The following H2AX variants were observed in gnomAD, a reference collection of about 807,000 sequenced individuals.
The protein encoded by H2AX is histone H2AX.
H2AX carries 2 observed loss-of-function variants against 8.0 expected under a neutral mutation model. The ratio of observed to expected loss-of-function variants is 0.25; its 90% CI spans 0.10 to 0.79. The LOEUF (loss-of-function observed/expected upper bound fraction) is 0.79. H2AX is among the 30% of genes least tolerant of loss of function. The pLI, the probability that H2AX is intolerant of heterozygous loss-of-function variation, is 0.69. For synonymous variants in H2AX, 110 were observed against 102.5 expected, an observed-to-expected ratio of 1.07 and a Z score of -0.44; for missense variants, 105 against 201.0, an observed-to-expected ratio of 0.52 and a Z score of 2.89.
rs1464580150 is a variant in H2AX at position 119,094,869 on chromosome 11, G to A, written c.*94C>T. 4.6e-6 allele frequency: 6 copies of A among 1,292,894 alleles called. No individual in the cohort carries two copies. The highest frequency in any genetic ancestry group is 5.2e-6 in the Non-Finnish European group (5 of 965,480). The allele number at this position is 1,292,894 out of a possible 1,614,324, so 80.1% of individuals were successfully genotyped here. A position where few individuals can be genotyped will look rare whatever the true frequency, so the allele number is the denominator to read the frequency against. On this transcript the variant is annotated 3_prime_UTR_variant, in exon 1 of 1. Transcript: ENST00000530167. ...GCCCGCTTGCCCCGCAGTCTGAAGC[G>A]GCTCAGCTCTTTCCATGAGGGCGGT...
Position 119,094,876 on chromosome 11 carries a change from C to T in H2AX, c.*87G>A. The T allele has an allele frequency of 7.4e-7, 1 of 1,349,080 alleles. No homozygotes were observed. The highest frequency in any genetic ancestry group is 9.9e-7 in the Non-Finnish European group (1 of 1,011,502). 83.6% of individuals were successfully genotyped at this position (1,349,080 alleles called of 1,614,324 possible). A position where few individuals can be genotyped will look rare whatever the true frequency, so the allele number is the denominator to read the frequency against. On this transcript the variant is annotated 3_prime_UTR_variant, in exon 1 of 1. Transcript: ENST00000530167. The stretch of plus-strand genomic sequence containing the variant: ...TGCCCCGCAGTCTGAAGCGGCTCAG[C>T]TCTTTCCATGAGGGCGGTGGTGGCC...
Position 119,094,572 on chromosome 11 carries a change from G to C in H2AX, c.*391C>G, listed in dbSNP as rs978844523. 1 of 165,042 alleles carries C rather than the reference G, an allele frequency of 6.1e-6. No homozygotes were observed. Among genetic ancestry groups the C allele is most frequent in the Non-Finnish European group, 1.3e-5 (1 of 77,434 alleles). The allele number at this position is 165,042 out of a possible 1,614,324, so 10.2% of individuals were successfully genotyped here. A position where few individuals can be genotyped will look rare whatever the true frequency, so the allele number is the denominator to read the frequency against. ...CCTCCCCGCAGCCCCTTAGCGACTCGGGATGGGGCGGCTGAGTCACGAACG... is the reference window on the plus strand; with the variant it reads ...CCTCCCCGCAGCCCCTTAGCGACTCCGGATGGGGCGGCTGAGTCACGAACG... On this transcript the variant is annotated 3_prime_UTR_variant, in exon 1 of 1. Coordinates refer to ENST00000530167, the MANE Select transcript of H2AX (RefSeq NM_002105.3).
In H2AX at chr11:119,095,385, G is replaced by A; in HGVS notation, c.10C>T (p.Arg4Cys). Residue 4 changes from arginine (R) to cysteine (C), a missense_variant, in exon 1 of 1, where the codon CGC becomes TGC. Arg to Cys is a radical substitution (Grantham distance 180, BLOSUM62 -3). Coordinates refer to ENST00000530167, the MANE Select transcript of H2AX (RefSeq NM_002105.3). MSG[R>C]GKTGGKARAK... ...CGGGCCTTGCCGCCAGTCTTGCCGCGGCCCGACATGCTAGCGAGGTAGACC... is the reference window on the plus strand; with the variant it reads ...CGGGCCTTGCCGCCAGTCTTGCCGCAGCCCGACATGCTAGCGAGGTAGACC... The A allele has an allele frequency of 6.4e-7, 1 of 1,561,300 alleles. No homozygotes were observed. Among genetic ancestry groups the A allele is most frequent in the Non-Finnish European group, 8.6e-7 (1 of 1,159,464 alleles).
Position 119,094,656 on chromosome 11 carries a change from C to T in H2AX, c.*307G>A, listed in dbSNP as rs1650600967. On this transcript the variant is annotated 3_prime_UTR_variant, in exon 1 of 1. Coordinates refer to ENST00000530167, the MANE Select transcript of H2AX (RefSeq NM_002105.3). ...CCCCGGCAGGCTCGGGTCTTCCGCG[C>T]CACGGAGGTCCCCGAAGAGCGCCCA... is the stretch of plus-strand genomic sequence containing the variant. The T allele has an allele frequency of 4.1e-6, 1 of 241,338 alleles. No individual in the cohort carries two copies. The highest frequency in any genetic ancestry group is 5.7e-5 in the Admixed American group (1 of 17,398). 14.9% of individuals were successfully genotyped at this position (241,338 alleles called of 1,614,324 possible).
In H2AX at chr11:119,094,514, G is replaced by C. The variant is rs1946357397; in HGVS notation, c.*449C>G. 6.5e-6 allele frequency: 1 copy of C among 153,544 alleles called. No individual in the cohort carries two copies. The highest frequency in any genetic ancestry group is 2.0e-4 in the South Asian group (1 of 4,900). The allele number at this position is 153,544 out of a possible 1,614,324, so 9.5% of individuals were successfully genotyped here. ...CTGCCCACCTCGGCCCTGCGTCAGA[G>C]CGGAAGGCCAAGTCTTCCAGAAGGT... On this transcript the variant is annotated 3_prime_UTR_variant, in exon 1 of 1. Coordinates refer to ENST00000530167, the MANE Select transcript of H2AX (RefSeq NM_002105.3).
rs1592222998 is a variant in H2AX at position 119,094,458 on chromosome 11, A to C, written c.*505T>G. ...GCTGCAGCTGCCGAGGGCCTCACTC[A>C]CCTTCAGGGCCGCCGGCCTCTCGGC... On this transcript the variant is annotated 3_prime_UTR_variant, in exon 1 of 1. Transcript: ENST00000530167. 3 of 152,286 alleles carry C rather than the reference A, an allele frequency of 2.0e-5. No homozygotes were observed. Among genetic ancestry groups the C allele is most frequent in the Non-Finnish European group, 4.4e-5 (3 of 68,116 alleles). The allele number at this position is 152,286 out of a possible 1,614,324, so 9.4% of individuals were successfully genotyped here. A position where few individuals can be genotyped will look rare whatever the true frequency, so the allele number is the denominator to read the frequency against.
chr11:119,095,197 C>G lies in H2AX; in HGVS notation c.198G>C (p.Leu66=), dbSNP rs768785602. Reference sequence around the variant, plus strand: ...TGTTGTCGCGGGCCGCATTGCCCGCCAGCTCCAGGATCTCAGCGGTGAGGT... The same window carrying G: ...TGTTGTCGCGGGCCGCATTGCCCGCGAGCTCCAGGATCTCAGCGGTGAGGT... The part of the protein sequence containing the change: ...LEYLTAEILE[L]AGNAARDNKK... The change falls in exon 1 of 1, where the codon CTG becomes CTC. Residue 66 remains leucine, a synonymous_variant. Coordinates refer to ENST00000530167, the MANE Select transcript of H2AX (RefSeq NM_002105.3). The G allele has an allele frequency of 2.5e-6, 4 of 1,613,900 alleles. No homozygotes were observed. In the Admixed American group the frequency reaches 6.7e-5, roughly 27 times the overall value.
chr11:119,094,812 G>A lies in H2AX; in HGVS notation c.*151C>T. On this transcript the variant is annotated 3_prime_UTR_variant, in exon 1 of 1. Transcript: ENST00000530167. ...GGACTCGAGGCCGGGCGGCGAAGGC[G>A]GGCGAGGGGAGGGGAGGGGAAGGGA... 1 of 820,688 alleles carries A rather than the reference G, an allele frequency of 1.2e-6. No homozygotes were observed. The highest frequency in any genetic ancestry group is 1.8e-5 in the African/African-American group (1 of 54,908). 50.8% of individuals were successfully genotyped at this position (820,688 alleles called of 1,614,324 possible).
Position 119,094,791 on chromosome 11 carries a change from T to C in H2AX, c.*172A>G. The C allele has an allele frequency of 1.4e-6, 1 of 702,768 alleles. No homozygotes were observed. The highest frequency in any genetic ancestry group is 2.2e-6 in the Non-Finnish European group (1 of 448,346). The allele number at this position is 702,768 out of a possible 1,614,324, so 43.5% of individuals were successfully genotyped here. ...GACGGGAGCGGGGGCGGGCGGGGAC[T>C]CGAGGCCGGGCGGCGAAGGCGGGCG... On this transcript the variant is annotated 3_prime_UTR_variant, in exon 1 of 1. Coordinates refer to ENST00000530167, the MANE Select transcript of H2AX (RefSeq NM_002105.3).
rs143606442 is a variant in H2AX, at chr11:119,095,199, G to A, written c.196C>T (p.Leu66=). 3.2e-3 allele frequency: 5,226 copies of A among 1,614,012 alleles called. 20 individuals are homozygous for A. The highest frequency in any genetic ancestry group is 3.8e-3 in the Non-Finnish European group (4,488 of 1,179,898). Residue 66 remains leucine, a synonymous_variant, in exon 1 of 1, where the codon CTG becomes TTG. Transcript: ENST00000530167. ...TTGTCGCGGGCCGCATTGCCCGCCA[G>A]CTCCAGGATCTCAGCGGTGAGGTAC... ...LEYLTAEILE[L]AGNAARDNKK... is the part of the protein sequence containing the mutation.
In H2AX at chr11:119,095,228, A is replaced by G. The variant is rs2134893373; in HGVS notation, c.167T>C (p.Leu56Pro). The change falls in exon 1 of 1, where the codon CTG becomes CCG. Residue 56 changes from leucine to proline, a missense_variant. Around this residue, in one of 3 missense-constraint regions of H2AX, gnomAD observed 55 missense variants for 144.4 expected, o/e 0.38. Coordinates refer to ENST00000530167, the MANE Select transcript of H2AX (RefSeq NM_002105.3). ...CAGGATCTCAGCGGTGAGGTACTCC[A>G]GCACTGCCGCCAGGTACACTGGCGC... The part of the protein sequence containing the change: ...AGAPVYLAAV[L>P]EYLTAEILEL... The G allele has an allele frequency of 6.2e-7, 1 of 1,613,894 alleles. No homozygotes were observed. The highest frequency in any genetic ancestry group is 1.1e-5 in the South Asian group (1 of 91,078).
Position 119,095,171 on chromosome 11 carries a change from T to C in H2AX, c.224A>G (p.Lys75Arg), listed in dbSNP as rs1946369850. The change falls in exon 1 of 1, where the codon AAG becomes AGG. Residue 75 changes from lysine to arginine, a missense_variant. By Grantham distance (26) the Lys-to-Arg change is conservative (BLOSUM62 2). Transcript: ENST00000530167. ...ELAGNAARDN[K>R]KTRIIPRHLQ... ...GTGGCGGGGGATGATTCGCGTCTTC[T>C]TGTTGTCGCGGGCCGCATTGCCCGC... 1.2e-6 allele frequency: 2 copies of C among 1,613,968 alleles called. No individual in the cohort carries two copies. The highest frequency in any genetic ancestry group is 1.3e-5 in the African/African-American group (1 of 75,044).
In H2AX at chr11:119,094,815, C is replaced by T; in HGVS notation, c.*148G>A. 2.1e-5 allele frequency: 17 copies of T among 826,670 alleles called. No homozygotes were observed. Among genetic ancestry groups the T allele is most frequent in the Middle Eastern group, 3.7e-4 (1 of 2,674 alleles). The allele number at this position is 826,670 out of a possible 1,614,324, so 51.2% of individuals were successfully genotyped here. On this transcript the variant is annotated 3_prime_UTR_variant, in exon 1 of 1. Transcript: ENST00000530167. ...CTCGAGGCCGGGCGGCGAAGGCGGG[C>T]GAGGGGAGGGGAGGGGAAGGGAGCC...
chr11:119,095,094 C>T lies in H2AX; in HGVS notation c.301G>A (p.Val101Met). The change falls in exon 1 of 1, where the codon GTG becomes ATG. Residue 101 changes from valine to methionine, a missense_variant. This residue lies in a region of H2AX where 55 missense variants were observed against 144.4 expected (regional missense o/e 0.38). Coordinates refer to ENST00000530167, the MANE Select transcript of H2AX (RefSeq NM_002105.3). ...AGGACGCCTCCCTGGGCGATCGTCA[C>T]GCCGCCCAGCAGCTTGTTGAGCTCC... The part of the protein sequence containing the change: ...DEELNKLLGG[V>M]TIAQGGVLPN... 6.2e-7 allele frequency: 1 copy of T among 1,613,986 alleles called. No homozygotes were observed. The highest frequency in any genetic ancestry group is 8.5e-7 in the Non-Finnish European group (1 of 1,179,898).
chr11:119,094,669 C>G lies in H2AX; in HGVS notation c.*294G>C. The G allele has an allele frequency of 3.7e-6, 1 of 269,436 alleles. No individual in the cohort carries two copies. Among genetic ancestry groups the G allele is most frequent in the Non-Finnish European group, 6.9e-6 (1 of 145,256 alleles). The allele number at this position is 269,436 out of a possible 1,614,324, so 16.7% of individuals were successfully genotyped here. The stretch of plus-strand genomic sequence containing the variant: ...GGGTCTTCCGCGCCACGGAGGTCCC[C>G]GAAGAGCGCCCAAGCCGCATCCGGA... On this transcript the variant is annotated 3_prime_UTR_variant, in exon 1 of 1. Coordinates refer to ENST00000530167, the MANE Select transcript of H2AX (RefSeq NM_002105.3).
In H2AX at chr11:119,095,185, C is replaced by A; in HGVS notation, c.210G>T (p.Ala70=). ...TAEILELAGN[A]ARDNKKTRII... is the part of the protein sequence containing the mutation. The stretch of plus-strand genomic sequence containing the variant: ...TTCGCGTCTTCTTGTTGTCGCGGGC[C>A]GCATTGCCCGCCAGCTCCAGGATCT... Residue 70 remains alanine, a synonymous_variant, in exon 1 of 1, where the codon GCG becomes GCT. Transcript: ENST00000530167. 6.2e-7 allele frequency: 1 copy of A among 1,614,008 alleles called. No individual in the cohort carries two copies. The highest frequency in any genetic ancestry group is 8.5e-7 in the Non-Finnish European group (1 of 1,179,892).
Sources: allele counts gnomAD v4.1 joint callset, GRCh38; gene constraint gnomAD v4.1.1; regional missense constraint gnomAD v4.1.1; transcripts MANE v1.5; gene names NCBI Gene and HGNC (gene_info 2026-07-23, HGNC 2026-07-21).